GABRR1: variants seen among roughly 807,000 people sequenced by gnomAD.
The protein encoded by GABRR1 is gamma-aminobutyric acid type A receptor subunit rho1.
In GABRR1, 59 loss-of-function variants were observed where a neutral mutation model predicts 55.5. The observed-to-expected ratio is 1.06, with a 90% confidence interval of 0.86 to 1.32. The LOEUF (loss-of-function observed/expected upper bound fraction) is 1.32, where lower values mean the gene tolerates loss of function less well. GABRR1 is among the 40% of genes most tolerant of loss of function. The pLI is 0.00. For missense variants in GABRR1, 602 were observed against 619.1 expected, an observed-to-expected ratio of 0.97 and a Z score of 0.29; for synonymous variants, 213 against 226.0, an observed-to-expected ratio of 0.94 and a Z score of 0.51.
chr6:89,178,829 T>C lies in GABRR1; in HGVS notation c.1381A>G (p.Ile461Val). Residue 461 changes from isoleucine to valine, a missense_variant, in exon 10 of 10, where the codon ATC (isoleucine) becomes GTC (valine). This residue lies in a region of GABRR1 where 139 missense variants were observed against 141.1 expected (regional missense o/e 0.99). Transcript: ENST00000454853. Reference sequence around the variant, plus strand: ...AAAATGTATGCTGCTGGAAAGATGATCCTGGAGTATTTATCAATGGCGTGG... The same window carrying C: ...AAAATGTATGCTGCTGGAAAGATGACCCTGGAGTATTTATCAATGGCGTGG... ...DTHAIDKYSRIIFPAAYILFN... is the reference protein window; with the variant it reads ...DTHAIDKYSRVIFPAAYILFN... The C allele has an allele frequency of 6.2e-7, 1 of 1,614,154 alleles. No homozygotes were observed. The highest frequency in any genetic ancestry group is 1.1e-5 in the South Asian group (1 of 91,090).
chr6:89,183,904 A>G (rs1440805190), intron 7 of GABRR1, among the ~76,000 whole-genome samples: 1 of 152,134 alleles, frequency 6.6e-6, no homozygotes, highest in Admixed American at 6.6e-5. Flanking sequence ...AAAACTACCC[A>G]TTGGGTACAA....
chr6:89,200,322 C>T (rs1347307733), intron 3 of GABRR1, among the ~76,000 whole-genome samples: 2 of 129,440 alleles, frequency 1.5e-5, no homozygotes, highest in Admixed American at 1.9e-4. Context: ...GATCTCAGTT[C>T]ACTGCAACCT....
rs1259018447 is a variant in GABRR1 at position 89,179,881 on chromosome 6, G to T, written c.1146+411C>A. On this transcript the variant is annotated intron_variant, in intron 9 of 9. Transcript: ENST00000454853. Reference sequence around the variant, plus strand: ...GAGCATGCATGAGGTTACATATGAAGGAAGATTTCCTAGAATGAGAAATGT... The same window carrying T: ...GAGCATGCATGAGGTTACATATGAATGAAGATTTCCTAGAATGAGAAATGT... Among the ~76,000 whole-genome samples the T allele has an allele frequency of 2.6e-5, 4 of 152,028 alleles. No homozygotes were observed. The East Asian group carries it at 7.7e-4, about 29-fold the overall frequency.
chr6:89,192,499 A>T (rs1457114873), intron 5 of GABRR1, among the ~76,000 whole-genome samples: 2 of 151,664 alleles, frequency 1.3e-5, no homozygotes, highest in Non-Finnish European at 2.9e-5. Context: ...TCCCGAAAAA[A>T]TTTCACAAAT....
chr6:89,208,524 G>A (rs4707528), intron 1 of GABRR1, among the ~76,000 whole-genome samples: 95,473 of 152,106 alleles, frequency 0.63, 30,503 homozygotes, highest in Middle Eastern at 0.75. Context: ...TTAGATCAGC[G>A]GACTTTAAGT....
chr6:89,192,923 A>G (rs1003584689), intron 5 of GABRR1, among the ~76,000 whole-genome samples: 2 of 152,166 alleles, frequency 1.3e-5, no homozygotes, highest in African/African-American at 2.4e-5. Context: ...AGGTTTTTCA[A>G]TATTACCTTA....
intron 6 of GABRR1, among the ~76,000 whole-genome samples, chr6:89,188,742 A>C (rs951167157): frequency 3.9e-5 from 6 of 152,116 alleles, no homozygotes; most frequent in Non-Finnish European, 8.8e-5. Context: ...GATAATGTCG[A>C]TGCACAAAAT....
chr6:89,179,236 C>G (rs1323299232), intron 9 of GABRR1, among the ~76,000 whole-genome samples, 173 bp from the exon 10 acceptor site: 1 of 150,776 alleles, frequency 6.6e-6, no homozygotes, highest in East Asian at 1.9e-4. Context: ...TTGGGGGGGA[C>G]TTGAGTTTTG....
Position 89,178,507 on chromosome 6 carries a change from G to T in GABRR1, c.*263C>A, listed in dbSNP as rs1165490737. On this transcript the variant is annotated 3_prime_UTR_variant, in exon 10 of 10. Coordinates refer to ENST00000454853, the MANE Select transcript of GABRR1 (RefSeq NM_002042.5). ...TAGTGTGCTTTTCCAGGGGATCTGG[G>T]TAACAACTAACATCAGTCGCTACAG... The T allele has an allele frequency of 2.2e-6, 1 of 464,622 alleles. No individual in the cohort carries two copies. The highest frequency in any genetic ancestry group is 3.9e-6 in the Non-Finnish European group (1 of 255,688). The allele number at this position is 464,622 out of a possible 1,614,324, so 28.8% of individuals were successfully genotyped here.
rs1772461453 is a variant in GABRR1, at chr6:89,201,224, A to G, written c.215T>C (p.Leu72Pro). The change falls in exon 3 of 10, where the codon CTG becomes CCG. Residue 72 changes from leucine to proline, a missense_variant. Leu to Pro is a moderately conservative substitution (Grantham distance 98). Around this residue, in one of 3 missense-constraint regions of GABRR1, gnomAD observed 435 missense variants for 424.2 expected, o/e 1.03. Transcript: ENST00000454853. ...RRSPDITKSP[L>P]TKSEQLLRID... ...CCTCAGAAGCTGTTCTGACTTTGTC[A>G]GAGGCGATTTGGTGATGTCAGGACT... 2 of 1,614,222 alleles carry G rather than the reference A, an allele frequency of 1.2e-6. No individual in the cohort carries two copies. Among genetic ancestry groups the G allele is most frequent in the Non-Finnish European group, 1.7e-6 (2 of 1,180,026 alleles).
chr6:89,189,362 G>A (rs1264462978), intron 6 of GABRR1, among the ~76,000 whole-genome samples: 1 of 147,008 alleles, frequency 6.8e-6, no homozygotes. Context: ...TCCTTTGTAG[G>A]GACATGGATG....
intron 9 of GABRR1, among the ~76,000 whole-genome samples, 179 bp from the exon 10 acceptor site, chr6:89,179,242 T>A (rs774936243): frequency 1.4e-4 from 21 of 151,120 alleles, no homozygotes; most frequent in Non-Finnish European, 2.8e-4. Context: ...GGGACTTGAG[T>A]TTTGCTCTTG....
chr6:89,202,056 C>T (rs556690087), intron 2 of GABRR1, among the ~76,000 whole-genome samples: 219 of 152,264 alleles, frequency 1.4e-3, no homozygotes, highest in African/African-American at 4.3e-3. Flanking sequence ...GGAGCGGGAC[C>T]TTGCCCTCAA....
upstream of GABRR1, among the ~76,000 whole-genome samples, chr6:89,218,993 C>T (rs138702632): frequency 7.9e-5 from 5 of 63,302 alleles, no homozygotes; most frequent in Non-Finnish European, 1.8e-4. Flanking sequence ...TGGCGGGGCA[C>T]GGTGGCTCAC....
intron 4 of GABRR1, among the ~76,000 whole-genome samples, chr6:89,198,987 A>G (rs1249202351): frequency 6.6e-6 from 1 of 151,964 alleles, no homozygotes; most frequent in African/African-American, 2.4e-5. Flanking sequence ...GGGCGGGGGG[A>G]AAGGACACTC....
intron 1 of GABRR1, among the ~76,000 whole-genome samples, chr6:89,213,315 T>C (rs1447127624): frequency 1.3e-5 from 2 of 152,248 alleles, no homozygotes; most frequent in Non-Finnish European, 2.9e-5. Flanking sequence ...CAGCAGCTTA[T>C]GGATTTGGAG....
intron 9 of GABRR1, among the ~76,000 whole-genome samples, 198 bp downstream of exon 9, chr6:89,180,094 T>G (rs1362308233): frequency 6.6e-6 from 1 of 152,070 alleles, no homozygotes; most frequent in African/African-American, 2.4e-5. Context: ...TTTCAATGAA[T>G]GAAAGATGTC....
intron 6 of GABRR1, among the ~76,000 whole-genome samples, chr6:89,187,520 A>T (rs1229035948): frequency 6.6e-6 from 1 of 152,188 alleles, no homozygotes; most frequent in Non-Finnish European, 1.5e-5. Flanking sequence ...ACATTACTAC[A>T]TAAACACAAC....
At position 89,178,199 on chromosome 6, in the gene GABRR1, C is replaced by A; in HGVS notation, c.*571G>T. On this transcript the variant is annotated 3_prime_UTR_variant, in exon 10 of 10. Transcript: ENST00000454853. ...TTGTGAAGGGGTAAAGCCTGTGAAC[C>A]ACAGCATATAAAGAAAAATAATGTG... is the stretch of plus-strand genomic sequence containing the variant. The A allele has an allele frequency of 6.5e-6, 1 of 154,312 alleles. No individual in the cohort carries two copies. Among genetic ancestry groups the A allele is most frequent in the Non-Finnish European group, 1.4e-5 (1 of 69,410 alleles). The allele number at this position is 154,312 out of a possible 1,614,324, so 9.6% of individuals were successfully genotyped here.
Sources: allele counts gnomAD v4.1 joint callset (sites outside exome capture counted in the v4.1 genomes callset), GRCh38; gene constraint gnomAD v4.1.1; regional missense constraint gnomAD v4.1.1; transcripts MANE v1.5; gene names NCBI Gene and HGNC (gene_info 2026-07-23, HGNC 2026-07-21).